EPB41L5: variants seen among roughly 807,000 people sequenced by gnomAD.
EPB41L5 encodes erythrocyte membrane protein band 4.1 like 5, also known as band 4.1-like protein 5.
EPB41L5 carries 55 observed loss-of-function variants against 106.6 expected under a neutral mutation model. The ratio of observed to expected loss-of-function variants is 0.52; its 90% CI spans 0.42 to 0.65. EPB41L5 has a LOEUF of 0.65. Among genes scored for constraint, EPB41L5 ranks in the 30% least tolerant of loss-of-function variants. The probability of loss-of-function intolerance (pLI) is 0.00; values close to 1 mark genes in which losing one functional copy is unlikely to be tolerated. For missense variants in EPB41L5, 871 were observed against 882.1 expected, an observed-to-expected ratio of 0.99 and a Z score of 0.16; for synonymous variants, 297 against 306.7, an observed-to-expected ratio of 0.97 and a Z score of 0.33.
intron 1 of EPB41L5, among the ~76,000 whole-genome samples, chr2:120,014,101 G>A (rs1677343069): frequency 6.6e-6 from 1 of 152,172 alleles, no homozygotes. Context: ...GGAATACTGG[G>A]ACAAAATATA....
At chr2:120,077,381 A>G in intron 9 of EPB41L5, 65 bp downstream of exon 9, 8 of 1,381,750 alleles carry the variant, frequency 5.8e-6, no homozygotes, top group South Asian at 1.3e-5. Context: ...TGACTGTGGA[A>G]TTTTTCAGTA....
At chr2:120,172,249 A>G (rs1332974725) in intron 24 of EPB41L5, among the ~76,000 whole-genome samples, 1 of 152,194 alleles carries the variant, frequency 6.6e-6, no homozygotes, top group East Asian at 1.9e-4. Context: ...GAAAGGAATC[A>G]AGCGTTCTCA....
chr2:120,160,551 C>CT (rs1344029361), intron 20 of EPB41L5: 2 of 189,068 alleles, frequency 1.1e-5, no homozygotes, highest in Non-Finnish European at 2.2e-5. Flanking sequence ...TGGTCATTCT[C>CT]TTTTTAGTTT....
At chr2:120,067,801 A>C (rs914383022) in intron 3 of EPB41L5, among the ~76,000 whole-genome samples, 4 of 152,172 alleles carry the variant, frequency 2.6e-5, no homozygotes, top group African/African-American at 7.2e-5. Context: ...TCTGCTAATA[A>C]ATTTTACATT....
chr2:120,069,991 A>G (rs911126770), intron 3 of EPB41L5, among the ~76,000 whole-genome samples: 1 of 152,184 alleles, frequency 6.6e-6, no homozygotes, highest in Non-Finnish European at 1.5e-5. Context: ...TAGAAACATG[A>G]AAAACCCTTC....
chr2:120,118,375 CAG>C (rs762870838), intron 16 of EPB41L5, among the ~76,000 whole-genome samples: 1 of 152,066 alleles, frequency 6.6e-6, no homozygotes, highest in Non-Finnish European at 1.5e-5. Context: ...ATTTTAAGCT[CAG>C]GGGTACATGT....
In EPB41L5 at chr2:120,058,046, A is replaced by C. The variant is rs989369558; in HGVS notation, c.286-15132A>C. Among the ~76,000 whole-genome samples, 13 of 152,164 alleles carry C rather than the reference A, an allele frequency of 8.5e-5. 1 individual carries two copies. Among genetic ancestry groups the C allele is most frequent in the Non-Finnish European group, 2.9e-5 (2 of 68,034 alleles). On this transcript the variant is annotated intron_variant, in intron 3 of 24. Coordinates refer to ENST00000263713, the MANE Select transcript of EPB41L5 (RefSeq NM_020909.4). ...GTTTACATGGACCAGGCAGGAGAGC[A>C]AAAGAAGGGAAGCAGGTTGGTGTGC...
chr2:120,080,258 TC>T (rs1318918773), intron 10 of EPB41L5, among the ~76,000 whole-genome samples: 1 of 146,522 alleles, frequency 6.8e-6, no homozygotes, highest in Non-Finnish European at 1.5e-5. Context: ...TCCCTCCCCC[TC>T]CCCCAACCCC....
At chr2:120,051,315 T>A (rs1321293578) in intron 3 of EPB41L5, among the ~76,000 whole-genome samples, 1 of 152,194 alleles carries the variant, frequency 6.6e-6, no homozygotes, top group Non-Finnish European at 1.5e-5. Flanking sequence ...AGTTCAAGCT[T>A]CCTAGCAGCT....
chr2:120,096,374 G>A (rs1174095504), intron 14 of EPB41L5, among the ~76,000 whole-genome samples: 1 of 152,164 alleles, frequency 6.6e-6, no homozygotes, highest in Non-Finnish European at 1.5e-5. Context: ...GGGAGGAAGT[G>A]AAATTTCTGT....
intron 10 of EPB41L5, 112 bp from the exon 11 acceptor site, chr2:120,087,059 A>G (rs1574634221): frequency 1.6e-6 from 1 of 613,056 alleles, no homozygotes; most frequent in East Asian, 2.9e-5. Context: ...CGTCCTGTCA[A>G]TTTTTAGTTC....
chr2:120,151,991 T>A (rs1475835999), intron 20 of EPB41L5, among the ~76,000 whole-genome samples: 2 of 152,212 alleles, frequency 1.3e-5, no homozygotes, highest in Non-Finnish European at 2.9e-5. Context: ...TTTTACTTCC[T>A]TATTTCCAGT....
chr2:120,036,526 C>T lies in EPB41L5; in HGVS notation c.181-5480C>T, dbSNP rs545937587. ...AGGAGACAAATGAGCGCAAGCACCTCAAAAGGCAAGTAAAAGATAACAAAC... is the reference window on the plus strand; with the variant it reads ...AGGAGACAAATGAGCGCAAGCACCTTAAAAGGCAAGTAAAAGATAACAAAC... On this transcript the variant is annotated intron_variant, in intron 2 of 24. Coordinates refer to ENST00000263713, the MANE Select transcript of EPB41L5 (RefSeq NM_020909.4). Among the ~76,000 whole-genome samples the T allele has an allele frequency of 3.9e-5, 6 of 152,160 alleles. No individual in the cohort carries two copies. The South Asian group carries it at 1.0e-3, about 26-fold the overall frequency.
intron 3 of EPB41L5, among the ~76,000 whole-genome samples, chr2:120,048,632 T>G (rs1029244356): frequency 6.6e-6 from 1 of 152,136 alleles, no homozygotes; most frequent in African/African-American, 2.4e-5. Flanking sequence ...TTTGAAGGGT[T>G]TTTTGTGTCT....
rs769340782 is a variant in EPB41L5 at position 120,093,237 on chromosome 2, T to C, written c.1151-12T>C. 1.4e-5 allele frequency: 22 copies of C among 1,612,594 alleles called. No individual in the cohort carries two copies. The highest frequency in any genetic ancestry group is 1.9e-5 in the Non-Finnish European group (22 of 1,178,600). The stretch of plus-strand genomic sequence containing the variant: ...TGAAACTAATGAGGTGTTATCTTTT[T>C]TCTTCTGTTAGCATGTGCTACAAAA... On this transcript the variant is annotated splice_polypyrimidine_tract_variant and intron_variant, in intron 13 of 24. Transcript: ENST00000263713.
rs553484996 is a variant in EPB41L5 at position 120,075,719 on chromosome 2, T to C, written c.471T>C (p.Asp157=). The change falls in exon 7 of 25, where the codon GAT becomes GAC. Residue 157 remains aspartate (D), a synonymous_variant. Transcript: ENST00000263713. ...ILSGKLDCPF[D]TAVQLAAYNL... ...GTCTCAGATTAGACTGTCCCTTTGA[T>C]ACAGCAGTGCAATTGGCAGCTTATA... 1 of 1,613,732 alleles carries C rather than the reference T, an allele frequency of 6.2e-7. No individual in the cohort carries two copies. Among genetic ancestry groups the C allele is most frequent in the Non-Finnish European group, 8.5e-7 (1 of 1,179,730 alleles).
chr2:120,157,888 T>C (rs971185288), intron 20 of EPB41L5, among the ~76,000 whole-genome samples: 11 of 150,222 alleles, frequency 7.3e-5, no homozygotes, highest in African/African-American at 2.5e-4. Context: ...AGGATCTAAA[T>C]AAACACAATC....
chr2:120,119,601 T>C (rs1685115943), intron 16 of EPB41L5, among the ~76,000 whole-genome samples: 1 of 151,916 alleles, frequency 6.6e-6, no homozygotes, highest in East Asian at 1.9e-4. Flanking sequence ...GCACTATTTA[T>C]GAAATATGGA....
At chr2:120,165,989 A>AC (rs1283070623) in intron 22 of EPB41L5, among the ~76,000 whole-genome samples, 3 of 151,236 alleles carry the variant, frequency 2.0e-5, no homozygotes, top group African/African-American at 7.3e-5. Flanking sequence ...AAAAAAAAAA[A>AC]AAAAACAGAA....
Sources: gnomAD v4.1 joint callset for allele counts (sites outside exome capture counted in the v4.1 genomes callset) on GRCh38, gnomAD v4.1.1 for gene constraint, MANE v1.5 for transcripts, NCBI Gene and HGNC (gene_info 2026-07-23, HGNC 2026-07-21) for gene names.